PSD3: variants seen among roughly 807,000 people sequenced by gnomAD.
The protein encoded by PSD3 is pleckstrin and Sec7 domain containing 3.
Under a neutral mutation model 105.5 loss-of-function variants are expected in PSD3, and 49 were observed. The ratio of observed to expected loss-of-function variants is 0.46; its 90% CI spans 0.37 to 0.59. The LOEUF is 0.59. PSD3 is among the 20% of genes least tolerant of loss of function. PSD3 has a pLI of 0.00. For missense variants in PSD3, 1,561 were observed against 1,263.8 expected (o/e 1.24, Z -3.57); for synonymous variants, 557 against 457.8 (o/e 1.22, Z -2.77).
chr8:18,997,657 C>T (rs150748146), intron 1 of PSD3, among the ~76,000 whole-genome samples: 3 of 152,178 alleles, frequency 2.0e-5, no homozygotes, highest in African/African-American at 7.2e-5. Flanking sequence ...CGACGGTGTC[C>T]GGTCCGACCC....
chr8:18,762,731 A>G (rs1247060411), intron 9 of PSD3, among the ~76,000 whole-genome samples: 1 of 152,240 alleles, frequency 6.6e-6, no homozygotes, highest in East Asian at 1.9e-4. Flanking sequence ...CCTTCAATAC[A>G]GTATAAGGCA....
chr8:19,051,446 C>T (rs1342988494), intron 1 of PSD3, among the ~76,000 whole-genome samples: 1 of 152,180 alleles, frequency 6.6e-6, no homozygotes, highest in Non-Finnish European at 1.5e-5. Context: ...AATGCAGTTT[C>T]TTAGGGTGTC....
chr8:18,609,489 A>G (rs1268967512), intron 11 of PSD3, among the ~76,000 whole-genome samples: 1 of 152,264 alleles, frequency 6.6e-6, no homozygotes, highest in East Asian at 1.9e-4. Flanking sequence ...GTGAGACATC[A>G]TCTATACTAG....
At chr8:18,819,709 G>C (rs1812528229) in intron 4 of PSD3, among the ~76,000 whole-genome samples, 1 of 151,034 alleles carries the variant, frequency 6.6e-6, no homozygotes, top group Non-Finnish European at 1.5e-5. Context: ...CTCCTGAGTA[G>C]CTAGGACTGC....
At chr8:18,922,080 C>G (rs1028405173) in intron 2 of PSD3, among the ~76,000 whole-genome samples, 27 of 152,136 alleles carry the variant, frequency 1.8e-4, no homozygotes, top group African/African-American at 6.0e-4. Context: ...AAAGATATTT[C>G]CTACCTAAAA....
chr8:19,006,430 CCCA>C (rs1308824060), intron 1 of PSD3, among the ~76,000 whole-genome samples: 4 of 151,960 alleles, frequency 2.6e-5, no homozygotes, highest in Non-Finnish European at 4.4e-5. Flanking sequence ...TCTTCCTATC[CCCA>C]CGCTTTTGTA....
chr8:18,589,982 G>A (rs1803475468), intron 12 of PSD3, among the ~76,000 whole-genome samples: 1 of 152,094 alleles, frequency 6.6e-6, no homozygotes, highest in Non-Finnish European at 1.5e-5. Flanking sequence ...ATGAAGTGCT[G>A]TCTTGGAATC....
At chr8:18,988,401 T>C (rs1825619044) in intron 1 of PSD3, among the ~76,000 whole-genome samples, 2 of 152,090 alleles carry the variant, frequency 1.3e-5, no homozygotes, top group South Asian at 4.1e-4. Context: ...CAAACAAATC[T>C]CTAATTTAAA....
intron 2 of PSD3, among the ~76,000 whole-genome samples, chr8:18,878,928 T>C (rs998238889): frequency 6.6e-6 from 1 of 151,996 alleles, no homozygotes; most frequent in Non-Finnish European, 1.5e-5. Flanking sequence ...CACCAAAACA[T>C]ATAACAGTGA....
chr8:18,583,753 C>T (rs1258974077), intron 12 of PSD3, among the ~76,000 whole-genome samples: 1 of 152,148 alleles, frequency 6.6e-6, no homozygotes, highest in Non-Finnish European at 1.5e-5. Context: ...TAGCACCCTC[C>T]TCTCTTTGTA....
chr8:19,061,120 C>T (rs1252292286), intron 1 of PSD3, among the ~76,000 whole-genome samples: 1 of 152,086 alleles, frequency 6.6e-6, no homozygotes, highest in Non-Finnish European at 1.5e-5. Context: ...TTATCCTCAC[C>T]CCTTCCCATT....
intron 8 of PSD3, among the ~76,000 whole-genome samples, chr8:18,788,942 C>G (rs749797715): frequency 6.6e-6 from 1 of 152,066 alleles, no homozygotes; most frequent in Admixed American, 6.6e-5. Context: ...AAAGGAGGAC[C>G]CTTTGTAAAT....
chr8:18,962,860 C>T (rs570609693), intron 1 of PSD3, among the ~76,000 whole-genome samples: 1 of 152,308 alleles, frequency 6.6e-6, no homozygotes, highest in South Asian at 2.1e-4. Context: ...GATAAGGAGA[C>T]ACAGAAAGGT....
At chr8:18,852,675 C>T (rs1815686148) in intron 4 of PSD3, among the ~76,000 whole-genome samples, 1 of 152,192 alleles carries the variant, frequency 6.6e-6, no homozygotes, top group African/African-American at 2.4e-5. Context: ...GAGACGAGAA[C>T]AGAGGTGCTA....
chr8:18,699,054 G>T (rs535839006), intron 9 of PSD3, among the ~76,000 whole-genome samples: 14 of 152,252 alleles, frequency 9.2e-5, no homozygotes, highest in African/African-American at 3.4e-4. Context: ...ATGCCTGTTT[G>T]TCCACCTAAA....
intron 13 of PSD3, 74 bp downstream of exon 13, chr8:18,575,054 G>T: frequency 6.9e-7 from 1 of 1,450,968 alleles, no homozygotes; most frequent in South Asian, 1.6e-5. Context: ...TGCAGAGCTT[G>T]ATTTTGTTCC....
chr8:18,685,760 C>T (rs1800628590), intron 9 of PSD3, among the ~76,000 whole-genome samples: 1 of 152,134 alleles, frequency 6.6e-6, no homozygotes, highest in Non-Finnish European at 1.5e-5. Flanking sequence ...CTAACTTAAG[C>T]AGACGACGAG....
chr8:18,663,960 A>G (rs138169220), intron 9 of PSD3, among the ~76,000 whole-genome samples: 1 of 152,350 alleles, frequency 6.6e-6, no homozygotes, highest in East Asian at 1.9e-4. Flanking sequence ...TTGCTATGGT[A>G]ATCAGTGATC....
chr8:19,021,270 C>T (rs1167874830), intron 1 of PSD3, among the ~76,000 whole-genome samples: 3 of 152,282 alleles, frequency 2.0e-5, no homozygotes, highest in Admixed American at 6.5e-5. Context: ...GCAGTGTCTG[C>T]GTTCTGCTCT....
Sources: allele counts gnomAD v4.1 joint callset (sites outside exome capture counted in the v4.1 genomes callset), GRCh38; gene constraint gnomAD v4.1.1; transcripts MANE v1.5; gene names NCBI Gene and HGNC (gene_info 2026-07-23, HGNC 2026-07-21).